The following WWTR1 variants were observed in gnomAD, a reference collection of about 807,000 sequenced individuals.
WWTR1 encodes the protein WW domain containing transcription regulator 1, also known as WW domain-containing transcription regulator protein 1.
A neutral mutation model predicts 40.1 loss-of-function variants in WWTR1; 13 were observed. The observed-to-expected ratio is 0.32, with a 90% CI of 0.21 to 0.52. The LOEUF is 0.52. Among genes scored for constraint, WWTR1 ranks in the 20% least tolerant of loss-of-function variants. WWTR1 has a pLI of 0.97. For synonymous variants in WWTR1, 230 were observed against 210.1 expected (o/e 1.09, Z -0.82); for missense variants, 436 against 523.1 (o/e 0.83, Z 1.63).
At chr3:149,585,304 T>C (rs1738370823) in intron 2 of WWTR1, among the ~76,000 whole-genome samples, 1 of 152,158 alleles carries the variant, frequency 6.6e-6, no homozygotes, top group Non-Finnish European at 1.5e-5. Context: ...GGCTAATTTT[T>C]TTGTATTTTT....
intron 2 of WWTR1, among the ~76,000 whole-genome samples, chr3:149,633,775 C>G (rs541297962): frequency 3.9e-5 from 6 of 152,012 alleles, no homozygotes; most frequent in African/African-American, 1.4e-4. Flanking sequence ...TGAGGGTGCT[C>G]CAGGGAAGGG....
intron 3 of WWTR1, among the ~76,000 whole-genome samples, chr3:149,553,389 C>T (rs544592348): frequency 2.6e-4 from 39 of 152,238 alleles, no homozygotes; most frequent in African/African-American, 8.7e-4. Context: ...AAAAGTCTAA[C>T]AGACTATTTT....
intron 2 of WWTR1, among the ~76,000 whole-genome samples, chr3:149,596,615 T>C (rs1739013529): frequency 6.6e-6 from 1 of 152,234 alleles, no homozygotes; most frequent in Non-Finnish European, 1.5e-5. Context: ...TTCTTGACTC[T>C]GAGGACAGAG....
intron 2 of WWTR1, among the ~76,000 whole-genome samples, chr3:149,641,086 C>T (rs977994719): frequency 3.9e-5 from 6 of 152,148 alleles, no homozygotes; most frequent in Non-Finnish European, 5.9e-5. Flanking sequence ...ATGCAGGGTC[C>T]TTTTATCTTG....
At chr3:149,708,310 T>C (rs544950320) in intron 5 of WWTR1, among the ~76,000 whole-genome samples, 10 of 152,336 alleles carry the variant, frequency 6.6e-5, no homozygotes, top group African/African-American at 1.7e-4. Context: ...GGTTTTTTAA[T>C]TGTGGTAAAA....
intron 4 of WWTR1, among the ~76,000 whole-genome samples, chr3:149,537,274 C>T (rs1274943259): frequency 6.6e-6 from 1 of 152,114 alleles, no homozygotes; most frequent in Non-Finnish European, 1.5e-5. Context: ...TGGGTACATA[C>T]AAAGTCACAG....
intron 2 of WWTR1, among the ~76,000 whole-genome samples, chr3:149,668,943 T>A (rs1438110137): frequency 2.0e-5 from 3 of 152,222 alleles, no homozygotes; most frequent in Non-Finnish European, 4.4e-5. Context: ...ACCTTGCTAA[T>A]GAATCCTCCC....
intron 5 of WWTR1, among the ~76,000 whole-genome samples, chr3:149,708,964 C>T (rs972999299): frequency 6.6e-5 from 10 of 152,060 alleles, no homozygotes; most frequent in African/African-American, 2.4e-4. Flanking sequence ...TTCACAACCT[C>T]ACCAATACTT....
rs1560072234 is a variant in WWTR1, at chr3:149,585,120, T to TTGTG, written c.432-12121_432-12120insCACA. On this transcript the variant is annotated intron_variant, in intron 2 of 6. Coordinates refer to ENST00000360632, the MANE Select transcript of WWTR1 (RefSeq NM_015472.6). ...AAACTACAGATATACTTGATTTCTT[T>TTGTG]CGTGTGTGTGTGTGTGTGTGTGTGT... Among the ~76,000 whole-genome samples, 273 of 78,806 alleles carry TTGTG rather than the reference T, an allele frequency of 3.5e-3. 1 individual carries two copies. The highest frequency in any genetic ancestry group is 0.013 in the African/African-American group (258 of 20,346). The allele number at this position is 78,806 out of a possible 152,430, so 51.7% of individuals were successfully genotyped here.
At chr3:149,545,375 G>GT (rs527598809) in intron 3 of WWTR1, among the ~76,000 whole-genome samples, 30 of 152,274 alleles carry the variant, frequency 2.0e-4, no homozygotes, top group African/African-American at 7.0e-4. Context: ...TTCTATAAAA[G>GT]TATGTTCTTA....
intron 2 of WWTR1, among the ~76,000 whole-genome samples, chr3:149,663,460 C>T (rs1713672389): frequency 6.6e-6 from 1 of 152,024 alleles, no homozygotes; most frequent in Non-Finnish European, 1.5e-5. Context: ...CTTTGGGAGG[C>T]CAAGGCAGGC....
chr3:149,716,752 T>C (rs978126688), intron 5 of WWTR1, among the ~76,000 whole-genome samples: 29 of 152,190 alleles, frequency 1.9e-4, no homozygotes, highest in African/African-American at 7.0e-4. Flanking sequence ...GGATGGCTAC[T>C]TGGGTGGCTC....
chr3:149,556,217 A>G (rs1030492382), intron 3 of WWTR1, among the ~76,000 whole-genome samples: 3 of 152,082 alleles, frequency 2.0e-5, no homozygotes, highest in African/African-American at 7.2e-5. Context: ...ATTATTTCAC[A>G]CTCTATGGTA....
At chr3:149,587,719 A>G (rs1308146127) in intron 2 of WWTR1, among the ~76,000 whole-genome samples, 1 of 152,242 alleles carries the variant, frequency 6.6e-6, no homozygotes, top group African/African-American at 2.4e-5. Flanking sequence ...CTTGGAATGA[A>G]TATTCTACTT....
At chr3:149,659,269 A>C (rs1244860496), upstream of WWTR1, 1 of 150,890 alleles carries the variant, frequency 6.6e-6, no homozygotes, top group African/African-American at 2.4e-5. Flanking sequence ...CGGGCTGGTT[A>C]CGTAAGTGTT....
intron 4 of WWTR1, among the ~76,000 whole-genome samples, chr3:149,723,450 A>G (rs564931912): frequency 2.6e-5 from 4 of 152,060 alleles, no homozygotes; most frequent in Admixed American, 2.6e-4. Context: ...AGCCTCCCAA[A>G]GTGCAGGGAT....
rs201452570 is a variant in WWTR1 at position 149,566,826 on chromosome 3, A to AC, written c.568+6037_568+6038insG. ...TGCCCTGAAAAGAAAAAAAAAAAAA[A>AC]ACACACATGTGTTTATAATTTGAAG... On this transcript the variant is annotated intron_variant, in intron 3 of 6. Transcript: ENST00000360632. Among the ~76,000 whole-genome samples, 770 of 152,006 alleles carry AC rather than the reference A, an allele frequency of 5.1e-3. 7 individuals are homozygous for AC. Among genetic ancestry groups the AC allele is most frequent in the African/African-American group, 0.014 (572 of 41,392 alleles).
At chr3:149,707,168 A>G (rs1715355357), upstream of WWTR1, among the ~76,000 whole-genome samples, 1 of 152,222 alleles carries the variant, frequency 6.6e-6, no homozygotes, top group African/African-American at 2.4e-5. Flanking sequence ...AAGCAAGGAC[A>G]AGGAGCCAAT....
intron 2 of WWTR1, 85 bp downstream of exon 2, chr3:149,656,791 T>TCTCTCTCACACA (rs1553805464): frequency 4.6e-6 from 3 of 648,188 alleles, no homozygotes; most frequent in African/African-American, 4.1e-5. Context: ...TCTCTCTCTC[T>TCTCTCTCACACA]CACACACACA....
Sources: allele counts gnomAD v4.1 joint callset (sites outside exome capture counted in the v4.1 genomes callset), GRCh38; gene constraint gnomAD v4.1.1; transcripts MANE v1.5; gene names NCBI Gene and HGNC (gene_info 2026-07-23, HGNC 2026-07-21).